SNAP29: variants seen among roughly 807,000 people sequenced by gnomAD.
The protein encoded by SNAP29 is synaptosome associated protein 29.
A neutral mutation model predicts 27.9 loss-of-function variants in SNAP29; 13 were observed. The ratio of observed to expected loss-of-function variants is 0.47; its 90% CI spans 0.30 to 0.74. The LOEUF is 0.74. Ranked by LOEUF, SNAP29 falls within the 30% of genes least tolerant of loss-of-function variation. The pLI, the probability that SNAP29 is intolerant of heterozygous loss-of-function variation, is 0.06. For synonymous variants in SNAP29, 119 were observed against 127.1 expected, an observed-to-expected ratio of 0.94 and a Z score of 0.43; for missense variants, 368 against 336.5, an observed-to-expected ratio of 1.09 and a Z score of -0.73.
At chr22:20,871,076 C>G (rs1391921029) in intron 2 of SNAP29, 1 of 163,560 alleles carries the variant, frequency 6.1e-6, no homozygotes, top group East Asian at 1.7e-4. Flanking sequence ...CTGCAGTGAG[C>G]TGTAATGGTG....
intron 1 of SNAP29, among the ~76,000 whole-genome samples, chr22:20,861,117 G>GGT: frequency 9.5e-6 from 1 of 105,054 alleles, no homozygotes; most frequent in South Asian, 2.8e-4. Context: ...ACCTCCCTGT[G>GGT]GTTTTTTTTT....
chr22:20,860,371 CTT>C (rs361726), intron 1 of SNAP29, among the ~76,000 whole-genome samples: 69,353 of 133,876 alleles, frequency 0.52, 17,946 homozygotes, highest in African/African-American at 0.68. Context: ...TTTTCTTTTT[CTT>C]TTTTTTTTTT....
rs574867315 is a variant in SNAP29 at position 20,871,942 on chromosome 22, G to C, written c.434+1409G>C. Among the ~76,000 whole-genome samples, 45 of 152,190 alleles carry C rather than the reference G, an allele frequency of 3.0e-4. 1 individual carries two copies. The highest frequency in any genetic ancestry group is 2.6e-3 in the Admixed American group (40 of 15,270). On this transcript the variant is annotated intron_variant, in intron 2 of 4. Coordinates refer to ENST00000215730, the MANE Select transcript of SNAP29 (RefSeq NM_004782.4). ...CAGTGTTACATGTTCAAGGATAAAGGAATGGAGTTTCTGCTGAAGTAGATT... is the reference window on the plus strand; with the variant it reads ...CAGTGTTACATGTTCAAGGATAAAGCAATGGAGTTTCTGCTGAAGTAGATT...
rs913695397 is a variant in SNAP29 at position 20,888,103 on chromosome 22, C to T, written c.*267C>T. 16 of 453,514 alleles carry T rather than the reference C, an allele frequency of 3.5e-5. No individual in the cohort carries two copies. Among genetic ancestry groups the T allele is most frequent in the East Asian group, 1.3e-4 (3 of 22,470 alleles). 28.1% of individuals were successfully genotyped at this position (453,514 alleles called of 1,614,324 possible). On this transcript the variant is annotated 3_prime_UTR_variant, in exon 5 of 5. Transcript: ENST00000215730. Reference sequence around the variant, plus strand: ...GTAGCCTGGCCCTGCATATCTTGGGCGTTTGATTACCATGCTGGAATAAGA... The same window carrying T: ...GTAGCCTGGCCCTGCATATCTTGGGTGTTTGATTACCATGCTGGAATAAGA...
intron 3 of SNAP29, 70 bp downstream of exon 3, chr22:20,881,204 C>A: frequency 8.9e-7 from 1 of 1,118,152 alleles, no homozygotes; most frequent in Non-Finnish European, 1.4e-6. Flanking sequence ...GGCGTTGGTC[C>A]TTGGGGGGCA....
At position 20,883,482 on chromosome 22, in the gene SNAP29, A is replaced by G; in HGVS notation, c.532A>G (p.Arg178Gly). 1 of 1,611,218 alleles carries G rather than the reference A, an allele frequency of 6.2e-7. No individual in the cohort carries two copies. Among genetic ancestry groups the G allele is most frequent in the Non-Finnish European group, 8.5e-7 (1 of 1,177,498 alleles). The change falls in exon 4 of 5, where the codon AGA becomes GGA. Residue 178 changes from arginine to glycine, a missense_variant. Arg to Gly is a moderately radical substitution (Grantham distance 125, BLOSUM62 -2). Coordinates refer to ENST00000215730, the MANE Select transcript of SNAP29 (RefSeq NM_004782.4). The stretch of plus-strand genomic sequence containing the variant: ...CCTTCTAAACTTAGACCCTGTCCCC[A>G]GAGGGGCTGGTTCTGCCATGAGTAC... Reference protein sequence around the residue: ...RKLDDTDPVPRGAGSAMSTDA... With the variant: ...RKLDDTDPVPGGAGSAMSTDA...
intron 4 of SNAP29, among the ~76,000 whole-genome samples, chr22:20,884,034 C>A (rs985104720): frequency 6.6e-6 from 1 of 152,078 alleles, no homozygotes; most frequent in Non-Finnish European, 1.5e-5. Context: ...TGTTTCAAAA[C>A]GGAAGGGTGT....
chr22:20,873,724 T>G (rs1928651014), intron 2 of SNAP29, among the ~76,000 whole-genome samples: 1 of 151,604 alleles, frequency 6.6e-6, no homozygotes, highest in Admixed American at 6.6e-5. Context: ...TCCCAGCACT[T>G]TGGGAGGCCG....
chr22:20,869,429 G>T (rs1309415626), intron 1 of SNAP29, among the ~76,000 whole-genome samples: 5 of 152,188 alleles, frequency 3.3e-5, no homozygotes, highest in Non-Finnish European at 7.3e-5. Context: ...AAACATTACA[G>T]GCGGAGACAG....
chr22:20,870,392 T>C lies in SNAP29; in HGVS notation c.293T>C (p.Met98Thr). Residue 98 changes from methionine (M) to threonine (T), a missense_variant, in exon 2 of 5, where the codon ATG becomes ACG. Met to Thr is a moderately conservative substitution (Grantham distance 81, BLOSUM62 -1). Transcript: ENST00000215730. The stretch of plus-strand genomic sequence containing the variant: ...CGCACAGAGAAGATGGTGGACAAGA[T>C]GGACCAAGATTTGAAGATCAGCCAG... ...LERTEKMVDKMDQDLKISQKH... is the reference protein window; with the variant it reads ...LERTEKMVDKTDQDLKISQKH... 2 of 1,614,142 alleles carry C rather than the reference T, an allele frequency of 1.2e-6. No individual in the cohort carries two copies. The highest frequency in any genetic ancestry group is 1.7e-6 in the Non-Finnish European group (2 of 1,180,034).
rs551576150 is a variant in SNAP29, at chr22:20,878,263, C to T, written c.435-2786C>T. On this transcript the variant is annotated intron_variant, in intron 2 of 4. Coordinates refer to ENST00000215730, the MANE Select transcript of SNAP29 (RefSeq NM_004782.4). ...AAAGGTAAAGAAAAGCAAGGCAGGC[C>T]GGGCACGGTGGCTCAAGCCTGTAAT... is the stretch of plus-strand genomic sequence containing the variant. Among the ~76,000 whole-genome samples, 171 of 152,176 alleles carry T rather than the reference C, an allele frequency of 1.1e-3. 2 individuals carry two copies. The highest frequency in any genetic ancestry group is 4.1e-4 in the Non-Finnish European group (28 of 68,012).
chr22:20,868,246 G>T (rs1312398267), intron 1 of SNAP29, among the ~76,000 whole-genome samples: 1 of 152,156 alleles, frequency 6.6e-6, no homozygotes, highest in Non-Finnish European at 1.5e-5. Flanking sequence ...TTGACATACT[G>T]AGTGACACTA....
chr22:20,859,457 G>A lies in SNAP29; in HGVS notation c.237+110G>A, dbSNP rs1043132416. 3 of 848,014 alleles carry A rather than the reference G, an allele frequency of 3.5e-6. No homozygotes were observed. The African/African-American group carries it at 5.0e-5, about 14-fold the overall frequency. 52.5% of individuals were successfully genotyped at this position (848,014 alleles called of 1,614,324 possible). A position where few individuals can be genotyped will look rare whatever the true frequency, so the allele number is the denominator to read the frequency against. ...GAGAATTCTCAAGTTGCCTAGCATA[G>A]ATTCTTGCACCTTAGTGACTCGATG... On this transcript the variant is annotated intron_variant, in intron 1 of 4. Coordinates refer to ENST00000215730, the MANE Select transcript of SNAP29 (RefSeq NM_004782.4).
In SNAP29 at chr22:20,890,419, A is replaced by T. The variant is rs936701336; in HGVS notation, c.*2583A>T. On this transcript the variant is annotated 3_prime_UTR_variant, in exon 5 of 5. Coordinates refer to ENST00000215730, the MANE Select transcript of SNAP29 (RefSeq NM_004782.4). ...AAACAAACTGTGCCTTCAAAAAATG[A>T]CTTTTCTAACTTAAGGTTGGTTATA... The T allele has an allele frequency of 1.0e-5, 4 of 398,408 alleles. No homozygotes were observed. Among genetic ancestry groups the T allele is most frequent in the Admixed American group, 8.8e-5 (2 of 22,700 alleles). 24.7% of individuals were successfully genotyped at this position (398,408 alleles called of 1,614,324 possible). A position where few individuals can be genotyped will look rare whatever the true frequency, so the allele number is the denominator to read the frequency against.
Position 20,859,307 on chromosome 22 carries a change from T to C in SNAP29, c.197T>C (p.Leu66Pro). The change falls in exon 1 of 5, where the codon CTC becomes CCC. Residue 66 changes from leucine (L) to proline (P), a missense_variant. Transcript: ENST00000215730. ...GCCAGCACCAGCAGGTCCCTGGCCCTCATGTACGAGTCCGAGAAGGTTGGG... is the reference window on the plus strand; with the variant it reads ...GCCAGCACCAGCAGGTCCCTGGCCCCCATGTACGAGTCCGAGAAGGTTGGG... Reference protein sequence around the residue: ...TAASTSRSLALMYESEKVGVA... With the variant: ...TAASTSRSLAPMYESEKVGVA... 6.2e-7 allele frequency: 1 copy of C among 1,613,186 alleles called. No individual in the cohort carries two copies. Among genetic ancestry groups the C allele is most frequent in the Non-Finnish European group, 8.5e-7 (1 of 1,179,920 alleles).
chr22:20,862,923 C>CT (rs1459661286), intron 1 of SNAP29, among the ~76,000 whole-genome samples: 1 of 152,094 alleles, frequency 6.6e-6, no homozygotes, highest in Non-Finnish European at 1.5e-5. Flanking sequence ...GGGTCTCACT[C>CT]TGTCAACCAG....
chr22:20,861,307 T>A (rs2147858843), intron 1 of SNAP29, among the ~76,000 whole-genome samples: 1 of 151,856 alleles, frequency 6.6e-6, no homozygotes, highest in East Asian at 2.0e-4. Flanking sequence ...AGAGTTGGGG[T>A]TTTGCCATGT....
intron 1 of SNAP29, among the ~76,000 whole-genome samples, chr22:20,862,168 G>C (rs573041242): frequency 2.3e-4 from 35 of 152,198 alleles, no homozygotes; most frequent in Non-Finnish European, 3.4e-4. Context: ...TTAGATTTGA[G>C]AGGATTGCCT....
At chr22:20,861,142 A>C (rs1928309347) in intron 1 of SNAP29, among the ~76,000 whole-genome samples, 1 of 118,474 alleles carries the variant, frequency 8.4e-6, no homozygotes, top group African/African-American at 3.5e-5. Context: ...TTTTTGAGAC[A>C]GATTCTCGCT....
Sources: gnomAD v4.1 joint callset for allele counts (sites outside exome capture counted in the v4.1 genomes callset) on GRCh38, gnomAD v4.1.1 for gene constraint, MANE v1.5 for transcripts, NCBI Gene and HGNC (gene_info 2026-07-23, HGNC 2026-07-21) for gene names.